The following RGS5 variants were observed in gnomAD, a reference collection of about 807,000 sequenced individuals.
RGS5 encodes regulator of G-protein signalling 5.
Under a neutral mutation model 18.9 loss-of-function variants are expected in RGS5, and 20 were observed. The ratio of observed to expected loss-of-function variants is 1.06; its 90% confidence interval spans 0.74 to 1.54. The LOEUF (loss-of-function observed/expected upper bound fraction) is 1.54. Among genes scored for constraint, RGS5 ranks in the 40% most tolerant of loss-of-function variants. RGS5 has a pLI of 0.00. For missense variants in RGS5, 201 were observed against 211.8 expected, an observed-to-expected ratio of 0.95 and a Z score of 0.32; for synonymous variants, 57 against 76.2, an observed-to-expected ratio of 0.75 and a Z score of 1.31.
At chr1:163,179,427 G>GTTT (rs1449794107) in intron 1 of RGS5, among the ~76,000 whole-genome samples, 1 of 152,124 alleles carries the variant, frequency 6.6e-6, no homozygotes, top group Non-Finnish European at 1.5e-5. Context: ...AAGTGGCAAG[G>GTTT]TTTATTATTA....
At chr1:163,296,857 T>C (rs1370536382) in intron 2 of RGS5, among the ~76,000 whole-genome samples, 1 of 151,962 alleles carries the variant, frequency 6.6e-6, no homozygotes, top group Non-Finnish European at 1.5e-5. Flanking sequence ...TTTGAATGAG[T>C]TATTTTGAGA....
At position 163,159,496 on chromosome 1, in the gene RGS5, G is replaced by A. The variant is rs551361046; in HGVS notation, c.217+2419C>T. ...CTCCATTCGGGGTCCCTGACTTCCC[G>A]CAACAGAGGGGAGAGACTGTCTCAC... On this transcript the variant is annotated intron_variant, in intron 3 of 4. Transcript: ENST00000313961. Among the ~76,000 whole-genome samples, 10 of 152,214 alleles carry A rather than the reference G, an allele frequency of 6.6e-5. No homozygotes were observed. The East Asian group carries it at 7.7e-4, about 12-fold the overall frequency.
intron 2 of RGS5, chr1:163,267,349 GA>G (rs1648596315): frequency 6.6e-6 from 1 of 152,120 alleles, no homozygotes; most frequent in South Asian, 2.1e-4. Context: ...AGAAATGTAA[GA>G]AGTAAATGTA....
intron 2 of RGS5, among the ~76,000 whole-genome samples, chr1:163,234,943 G>C (rs753335367): frequency 1.3e-5 from 2 of 152,144 alleles, no homozygotes; most frequent in African/African-American, 2.4e-5. Flanking sequence ...ATTGGAGGTA[G>C]AAGCTACAAG....
At position 163,202,808 on chromosome 1, in the gene RGS5, G is replaced by A; in HGVS notation, c.28C>T (p.His10Tyr). Residue 10 changes from histidine (H) to tyrosine (Y), a missense_variant, in exon 1 of 5, where the codon CAC (histidine) becomes TAC (tyrosine). By Grantham distance (83) the His-to-Tyr change is moderately conservative (BLOSUM62 2). Transcript: ENST00000313961. ...GGTTCTCACCTTTCCAGGCATGAGT[G>A]GGGCAAAGCTGCAAGTCCTTTGCAC... MCKGLAALP[H>Y]SCLERAKEIK... The A allele has an allele frequency of 6.2e-7, 1 of 1,613,488 alleles. No homozygotes were observed. Among genetic ancestry groups the A allele is most frequent in the Non-Finnish European group, 8.5e-7 (1 of 1,179,612 alleles).
At chr1:163,175,017 A>C (rs1326648422) in intron 1 of RGS5, among the ~76,000 whole-genome samples, 1 of 152,200 alleles carries the variant, frequency 6.6e-6, no homozygotes, top group African/African-American at 2.4e-5. Flanking sequence ...AGGCGTGAGC[A>C]TTAGCAAAGA....
intron 2 of RGS5, among the ~76,000 whole-genome samples, chr1:163,306,061 C>T (rs544544875): frequency 8.5e-5 from 13 of 152,264 alleles, no homozygotes; most frequent in African/African-American, 3.1e-4. Flanking sequence ...ATCATGTTAT[C>T]TGAAAACTTG....
intron 2 of RGS5, among the ~76,000 whole-genome samples, chr1:163,230,655 C>T (rs1406641921): frequency 1.3e-5 from 2 of 152,122 alleles, no homozygotes; most frequent in East Asian, 1.9e-4. Flanking sequence ...TTCAGTGATA[C>T]TATTCTGCCA....
intron 4 of RGS5, among the ~76,000 whole-genome samples, chr1:163,151,641 C>T (rs536491078): frequency 1.3e-5 from 2 of 152,336 alleles, no homozygotes; most frequent in South Asian, 4.1e-4. Flanking sequence ...TCCCCCTTCA[C>T]TCCACTTTTA....
chr1:163,288,600 T>C (rs960552048), intron 2 of RGS5, among the ~76,000 whole-genome samples: 1 of 152,198 alleles, frequency 6.6e-6, no homozygotes, highest in Non-Finnish European at 1.5e-5. Context: ...TCAATAAGTA[T>C]GTGTTTGTGT....
Position 163,163,038 on chromosome 1 carries a change from T to TCGG in RGS5, c.156-1065_156-1063dup, listed in dbSNP as rs1342216996. 3.3e-3 allele frequency among the ~76,000 whole-genome samples: 250 copies of TCGG among 75,636 alleles called. 2 individuals carry two copies. The highest frequency in any genetic ancestry group is 9.7e-3 in the African/African-American group (242 of 25,048). The allele number at this position is 75,636 out of a possible 152,430, so 49.6% of individuals were successfully genotyped here. On this transcript the variant is annotated intron_variant, in intron 2 of 4. Coordinates refer to ENST00000313961, the MANE Select transcript of RGS5 (RefSeq NM_003617.4). Reference sequence around the variant, plus strand: ...CTTCTAGTTTTTATACAATGATATTTCGGGGGGGGGGGTGGTTAATTATTC... The same window carrying TCGG: ...CTTCTAGTTTTTATACAATGATATTTCGGCGGGGGGGGGGGTGGTTAATTATTC...
intron 4 of RGS5, among the ~76,000 whole-genome samples, chr1:163,148,875 C>T (rs533433266): frequency 6.6e-6 from 1 of 152,276 alleles, no homozygotes; most frequent in Admixed American, 6.5e-5. Context: ...TCCAAATCAG[C>T]CTATGGTTGT....
At chr1:163,229,757 T>G (rs1036463624) in intron 2 of RGS5, among the ~76,000 whole-genome samples, 1 of 152,212 alleles carries the variant, frequency 6.6e-6, no homozygotes, top group African/African-American at 2.4e-5. Flanking sequence ...ACTTTTCCTA[T>G]GGTTCTAATT....
rs548192811 is a variant in RGS5, at chr1:163,251,350, A to G, written c.-281+54883T>C. Among the ~76,000 whole-genome samples, 11 of 152,326 alleles carry G rather than the reference A, an allele frequency of 7.2e-5. 1 individual carries two copies. The South Asian group carries it at 2.3e-3, about 32-fold the overall frequency. ...ACATCAAAGAAGAGAAGATATATTT[A>G]GACCTTTTTAAAATTTTTTAAAGTA... On this transcript the variant is annotated intron_variant, in intron 2 of 5. Coordinates refer to the RGS5 transcript ENST00000618415.
At chr1:163,158,564 T>C (rs1236838349) in intron 3 of RGS5, among the ~76,000 whole-genome samples, 1 of 152,138 alleles carries the variant, frequency 6.6e-6, no homozygotes, top group African/African-American at 2.4e-5. Context: ...GGTTCCATAA[T>C]GCCCCTGAGC....
chr1:163,285,072 T>C (rs1325183115), intron 2 of RGS5, among the ~76,000 whole-genome samples: 2 of 152,158 alleles, frequency 1.3e-5, no homozygotes, highest in Admixed American at 1.3e-4. Flanking sequence ...CTCACTACCA[T>C]GAGAACAGTA....
intron 1 of RGS5, among the ~76,000 whole-genome samples, chr1:163,213,245 A>G (rs531113675): frequency 6.6e-6 from 1 of 152,316 alleles, no homozygotes; most frequent in East Asian, 1.9e-4. Flanking sequence ...AAAAAAAAAG[A>G]AAACTGATTT....
At chr1:163,224,109 ATTATTG>A (rs1325031447) in intron 2 of RGS5, among the ~76,000 whole-genome samples, 1 of 152,136 alleles carries the variant, frequency 6.6e-6, no homozygotes, top group African/African-American at 2.4e-5. Flanking sequence ...TATGCAATAT[ATTATTG>A]TTAACTATAG....
chr1:163,220,488 T>C (rs1008872836), upstream of RGS5, among the ~76,000 whole-genome samples: 2 of 152,192 alleles, frequency 1.3e-5, no homozygotes, highest in African/African-American at 4.8e-5. Context: ...TCCTCTCTTT[T>C]ACATCTTTGA....
Sources: allele counts gnomAD v4.1 joint callset (sites outside exome capture counted in the v4.1 genomes callset), GRCh38; gene constraint gnomAD v4.1.1; transcripts MANE v1.5; gene names NCBI Gene and HGNC (gene_info 2026-07-23, HGNC 2026-07-21).